The following RALGAPA2 variants were observed in gnomAD, a reference collection of about 807,000 sequenced individuals.
RALGAPA2 encodes Ral GTPase activating protein catalytic subunit alpha 2.
Under a neutral mutation model 230.4 loss-of-function variants are expected in RALGAPA2, and 139 were observed. The observed-to-expected ratio is 0.60, with a 90% CI of 0.53 to 0.69. RALGAPA2 has a LOEUF of 0.69. Among genes scored for constraint, RALGAPA2 ranks in the 30% least tolerant of loss-of-function variants. The pLI is 0.00. For missense variants in RALGAPA2, 2,163 were observed against 2,276.0 expected, an observed-to-expected ratio of 0.95 and a Z score of 1.01; for synonymous variants, 847 against 837.8, an observed-to-expected ratio of 1.01 and a Z score of -0.19.
At chr20:20,651,702 G>A (rs988299496) in intron 4 of RALGAPA2, among the ~76,000 whole-genome samples, 7 of 152,156 alleles carry the variant, frequency 4.6e-5, no homozygotes, top group Admixed American at 3.9e-4. Context: ...GTCCTAATAA[G>A]TTTATTCATG....
intron 31 of RALGAPA2, among the ~76,000 whole-genome samples, chr20:20,515,995 C>G (rs1456219473): frequency 6.6e-6 from 1 of 152,154 alleles, no homozygotes; most frequent in East Asian, 1.9e-4. Flanking sequence ...CCTGGTGCTG[C>G]TAGTAGAACA....
intron 39 of RALGAPA2, among the ~76,000 whole-genome samples, chr20:20,394,990 T>C (rs191323713): frequency 6.7e-6 from 1 of 149,172 alleles, no homozygotes; most frequent in East Asian, 2.0e-4. Flanking sequence ...AAGGAAAACA[T>C]TTTAGTTCCT....
chr20:20,558,785 T>G (rs1314945462), intron 23 of RALGAPA2, among the ~76,000 whole-genome samples: 2 of 151,536 alleles, frequency 1.3e-5, no homozygotes, highest in Non-Finnish European at 2.9e-5. Context: ...CTGTGCTCAT[T>G]TATCTGTGAT....
Position 20,646,996 on chromosome 20 carries a change from C to T in RALGAPA2, c.329-3447G>A, listed in dbSNP as rs548625417. Reference sequence around the variant, plus strand: ...ATTAGTTTAAATATTTTATTTATAACAAAGAATGTATTATAATATTACTTT... The same window carrying T: ...ATTAGTTTAAATATTTTATTTATAATAAAGAATGTATTATAATATTACTTT... On this transcript the variant is annotated intron_variant, in intron 4 of 39. Coordinates refer to ENST00000202677, the MANE Select transcript of RALGAPA2 (RefSeq NM_020343.4). Among the ~76,000 whole-genome samples the T allele has an allele frequency of 3.3e-5, 5 of 151,732 alleles. No homozygotes were observed. The South Asian group carries it at 1.0e-3, about 32-fold the overall frequency.
At chr20:20,452,335 G>A (rs1217444753) in intron 37 of RALGAPA2, among the ~76,000 whole-genome samples, 4 of 152,216 alleles carry the variant, frequency 2.6e-5, no homozygotes, top group Non-Finnish European at 5.9e-5. Flanking sequence ...AAAAGTGTGG[G>A]TGTGGAAGTC....
At chr20:20,525,873 G>A (rs2063186266) in intron 28 of RALGAPA2, among the ~76,000 whole-genome samples, 1 of 152,204 alleles carries the variant, frequency 6.6e-6, no homozygotes, top group Non-Finnish European at 1.5e-5. Context: ...GTCTGGGAGA[G>A]ACTTCTGTTT....
chr20:20,528,454 G>A (rs956554580), intron 27 of RALGAPA2, among the ~76,000 whole-genome samples: 1 of 152,106 alleles, frequency 6.6e-6, no homozygotes, highest in Admixed American at 6.5e-5. Flanking sequence ...TGGGTGGGAC[G>A]GACGATGGGT....
At chr20:20,604,893 G>T (rs2065771451) in intron 15 of RALGAPA2, among the ~76,000 whole-genome samples, 1 of 152,150 alleles carries the variant, frequency 6.6e-6, no homozygotes. Flanking sequence ...GGTAAAAAGA[G>T]ATAATATGTA....
In RALGAPA2 at chr20:20,580,640, C is replaced by T. The variant is rs913589789; in HGVS notation, c.2707+2410G>A. Among the ~76,000 whole-genome samples, 4 of 152,152 alleles carry T rather than the reference C, an allele frequency of 2.6e-5. No individual in the cohort carries two copies. The South Asian group carries it at 8.3e-4, about 32-fold the overall frequency. Reference sequence around the variant, plus strand: ...TGCATGACCCCTGTTTCCAGGGATCCGTGAGTATAAACTTCTTCCTCCATG... The same window carrying T: ...TGCATGACCCCTGTTTCCAGGGATCTGTGAGTATAAACTTCTTCCTCCATG... On this transcript the variant is annotated intron_variant, in intron 20 of 39. Transcript: ENST00000202677.
chr20:20,421,676 TAAAC>T (rs150566958), intron 37 of RALGAPA2, among the ~76,000 whole-genome samples: 3,470 of 151,886 alleles, frequency 0.023, 97 homozygotes, highest in African/African-American at 0.069. Flanking sequence ...GTCTCAAAAA[TAAAC>T]AAACAAACAA....
At chr20:20,673,095 G>A (rs2068192498) in intron 3 of RALGAPA2, among the ~76,000 whole-genome samples, 1 of 152,022 alleles carries the variant, frequency 6.6e-6, no homozygotes, top group Non-Finnish European at 1.5e-5. Flanking sequence ...TGAGGCAGGA[G>A]AATGGCATGA....
intron 37 of RALGAPA2, among the ~76,000 whole-genome samples, chr20:20,458,806 CTATATATATATAGACCTATA>C (rs1569418073): frequency 1.0e-4 from 7 of 69,958 alleles, no homozygotes; most frequent in African/African-American, 2.1e-4. Flanking sequence ...ATATATAGAC[CTATATATATATAGACCTATA>C]TATATATATA....
Position 20,393,252 on chromosome 20 carries a change from C to T in RALGAPA2, c.*37G>A. On this transcript the variant is annotated splice_region_variant and 3_prime_UTR_variant, in exon 40 of 40. Coordinates refer to ENST00000202677, the MANE Select transcript of RALGAPA2 (RefSeq NM_020343.4). ...CAGCACTCAGACTGGAGGCCAGGGC[C>T]CCTGCAAAGGAAGCAGAGAACTGCT... 7.4e-7 allele frequency: 1 copy of T among 1,344,744 alleles called. No individual in the cohort carries two copies. The highest frequency in any genetic ancestry group is 9.9e-7 in the Non-Finnish European group (1 of 1,011,484). 83.3% of individuals were successfully genotyped at this position (1,344,744 alleles called of 1,614,324 possible).
At chr20:20,525,311 T>C (rs1017486010) in intron 28 of RALGAPA2, among the ~76,000 whole-genome samples, 1 of 152,186 alleles carries the variant, frequency 6.6e-6, no homozygotes, top group Non-Finnish European at 1.5e-5. Flanking sequence ...ACCCCTTTTA[T>C]TCTCAAAAGC....
intron 20 of RALGAPA2, among the ~76,000 whole-genome samples, chr20:20,577,470 A>C (rs2064856613): frequency 6.6e-6 from 1 of 152,210 alleles, no homozygotes. Flanking sequence ...AGAGTATCAT[A>C]TACTCAACTC....
chr20:20,635,032 A>G (rs148973110), intron 9 of RALGAPA2, among the ~76,000 whole-genome samples: 1 of 152,230 alleles, frequency 6.6e-6, no homozygotes, highest in East Asian at 1.9e-4. Context: ...GGTCCTTTCC[A>G]GGGGCCACTT....
At chr20:20,546,656 A>T (rs770601708) in intron 24 of RALGAPA2, 48 bp downstream of exon 24, 8 of 1,526,812 alleles carry the variant, frequency 5.2e-6, no homozygotes, top group Non-Finnish European at 7.0e-6. Flanking sequence ...CTTGTTAGCG[A>T]TTGTGAAGCC....
At chr20:20,671,219 C>T (rs987420705) in intron 3 of RALGAPA2, among the ~76,000 whole-genome samples, 1 of 152,198 alleles carries the variant, frequency 6.6e-6, no homozygotes, top group African/African-American at 2.4e-5. Flanking sequence ...CTACTGTTTC[C>T]TTTTCCAAGG....
chr20:20,544,364 C>T (rs962443290), intron 24 of RALGAPA2, among the ~76,000 whole-genome samples: 1 of 146,418 alleles, frequency 6.8e-6, no homozygotes. Flanking sequence ...AGTCAGGAAA[C>T]AACAGATGCT....
Sources: allele counts gnomAD v4.1 joint callset (sites outside exome capture counted in the v4.1 genomes callset), GRCh38; gene constraint gnomAD v4.1.1; transcripts MANE v1.5; gene names NCBI Gene and HGNC (gene_info 2026-07-23, HGNC 2026-07-21).